The following MAP2K5 variants were observed in gnomAD, a reference collection of about 807,000 sequenced individuals.
MAP2K5 encodes the protein dual specificity mitogen-activated protein kinase kinase 5.
A neutral mutation model predicts 83.1 loss-of-function variants in MAP2K5; 49 were observed. That is an observed-to-expected ratio of 0.59 (90% CI 0.47 to 0.75). The LOEUF (loss-of-function observed/expected upper bound fraction) is 0.75. MAP2K5 is among the 30% of genes least tolerant of loss of function. The pLI, the probability that MAP2K5 is intolerant of heterozygous loss-of-function variation, is 0.00. For synonymous variants in MAP2K5, 202 were observed against 191.8 expected, an observed-to-expected ratio of 1.05 and a Z score of -0.44; for missense variants, 457 against 557.5, an observed-to-expected ratio of 0.82 and a Z score of 1.82.
At chr15:67,586,560 T>A in intron 5 of MAP2K5, among the ~76,000 whole-genome samples, 1 of 152,200 alleles carries the variant, frequency 6.6e-6, no homozygotes, top group East Asian at 1.9e-4. Flanking sequence ...AACATACTGT[T>A]TTTATATGTA....
At chr15:67,611,559 C>T (rs1017492788) in intron 8 of MAP2K5, among the ~76,000 whole-genome samples, 4 of 152,036 alleles carry the variant, frequency 2.6e-5, no homozygotes, top group East Asian at 1.9e-4. Context: ...CTACAGTGGG[C>T]GCCAATCACA....
At chr15:67,641,379 A>T in intron 9 of MAP2K5, 1 of 473,016 alleles carries the variant, frequency 2.1e-6, no homozygotes. Flanking sequence ...GCCATAGATT[A>T]AATAAGTGAA....
intron 15 of MAP2K5, among the ~76,000 whole-genome samples, chr15:67,694,814 G>A (rs1355321459): frequency 3.3e-5 from 5 of 152,000 alleles, no homozygotes; most frequent in Admixed American, 2.6e-4. Flanking sequence ...GCACACGTAT[G>A]TTTATTGTGG....
rs145417766 is a variant in MAP2K5, at chr15:67,667,610, C to T, written c.847+2965C>T. Reference sequence around the variant, plus strand: ...GTCTTGGTCTAAGTACCTGTGTTGTCCTCTGATCATCATTTTCTAATGCCG... The same window carrying T: ...GTCTTGGTCTAAGTACCTGTGTTGTTCTCTGATCATCATTTTCTAATGCCG... On this transcript the variant is annotated intron_variant, in intron 13 of 21. Coordinates refer to ENST00000178640, the MANE Select transcript of MAP2K5 (RefSeq NM_145160.3). 9.8e-4 allele frequency among the ~76,000 whole-genome samples: 149 copies of T among 151,944 alleles called. 2 individuals carry two copies. Among genetic ancestry groups the T allele is most frequent in the African/African-American group, 2.6e-3 (107 of 41,438 alleles).
At chr15:67,730,837 C>T (rs979090209) in intron 17 of MAP2K5, among the ~76,000 whole-genome samples, 1 of 152,124 alleles carries the variant, frequency 6.6e-6, no homozygotes, top group Non-Finnish European at 1.5e-5. Context: ...TTGGAAGGAG[C>T]CCTGGACCAT....
chr15:67,647,608 G>A (rs1173083378), intron 11 of MAP2K5, among the ~76,000 whole-genome samples: 1 of 151,662 alleles, frequency 6.6e-6, no homozygotes. Flanking sequence ...AAATATGGCC[G>A]GGCACGGTGG....
intron 1 of MAP2K5, chr15:67,549,230 AT>A: frequency 6.6e-7 from 1 of 1,515,696 alleles, no homozygotes; most frequent in Non-Finnish European, 8.9e-7. Context: ...TGCTTATTCA[AT>A]TAAGCTGTCT....
rs1351472879 is a variant in MAP2K5, at chr15:67,747,338, A to G, written c.1075-893A>G. Among the ~76,000 whole-genome samples the G allele has an allele frequency of 6.6e-6, 1 of 152,210 alleles. No homozygotes were observed. The highest frequency in any genetic ancestry group is 1.9e-4 in the East Asian group (1 of 5,204). ...TATCTCAGAAAACAGTTGACCCATC[A>G]GTATTTGGTTCCTGAAAAGTTCTCT... On this transcript the variant is annotated intron_variant, in intron 17 of 21. Coordinates refer to ENST00000178640, the MANE Select transcript of MAP2K5 (RefSeq NM_145160.3). The surrounding 1 kb of genome is among the most constrained non-coding windows in gnomAD (Gnocchi z 4.1).
chr15:67,742,795 G>A (rs924319842), intron 17 of MAP2K5, among the ~76,000 whole-genome samples: 1 of 152,214 alleles, frequency 6.6e-6, no homozygotes, highest in African/African-American at 2.4e-5. Context: ...ATTACCAACA[G>A]GAAGATTTAC....
intron 13 of MAP2K5, among the ~76,000 whole-genome samples, chr15:67,669,714 G>A (rs769998859): frequency 3.3e-5 from 5 of 152,070 alleles, no homozygotes; most frequent in African/African-American, 9.7e-5. Context: ...AGAGAAAGGC[G>A]TCAAGGTTGC....
rs755074369 is a variant in MAP2K5 at position 67,749,092 on chromosome 15, G to A, written c.1134+491G>A. 1.4e-4 allele frequency among the ~76,000 whole-genome samples: 22 copies of A among 152,148 alleles called. No homozygotes were observed. Among genetic ancestry groups the A allele is most frequent in the Non-Finnish European group, 2.5e-4 (17 of 68,020 alleles). On this transcript the variant is annotated intron_variant, in intron 19 of 21. Coordinates refer to ENST00000178640, the MANE Select transcript of MAP2K5 (RefSeq NM_145160.3). This position sits in a 1 kb window ranked among gnomAD's most constrained non-coding sequence, Gnocchi z 4.6. ...AGTTCAGCGTTAATTTCCTAATTAG[G>A]CATTTTTCTCAGAATATGTCCCTAA...
intron 13 of MAP2K5, among the ~76,000 whole-genome samples, chr15:67,682,287 G>A (rs184845969): frequency 6.6e-6 from 1 of 151,588 alleles, no homozygotes; most frequent in East Asian, 2.0e-4. Flanking sequence ...TGTGATCTCA[G>A]CTCACTGCAA....
rs1664680054 is a variant in MAP2K5, at chr15:67,760,346, T to C, written c.1135-9256T>C. ...AGAAACAAGTTATAAGAAAATTTTT[T>C]CCTCATAGTCTGAAGGATGTACAAA... is the stretch of plus-strand genomic sequence containing the variant. On this transcript the variant is annotated intron_variant, in intron 19 of 21. Coordinates refer to ENST00000178640, the MANE Select transcript of MAP2K5 (RefSeq NM_145160.3). The surrounding 1 kb of genome is among the most constrained non-coding windows in gnomAD (Gnocchi z 4.1). 6.6e-6 allele frequency among the ~76,000 whole-genome samples: 1 copy of C among 152,222 alleles called. No individual in the cohort carries two copies. Among genetic ancestry groups the C allele is most frequent in the Non-Finnish European group, 1.5e-5 (1 of 68,042 alleles).
chr15:67,556,033 G>A (rs1461061337), intron 2 of MAP2K5, among the ~76,000 whole-genome samples: 1 of 152,160 alleles, frequency 6.6e-6, no homozygotes, highest in African/African-American at 2.4e-5. Flanking sequence ...TGATCTGCCT[G>A]TCTCAGCCTC....
At chr15:67,546,171 T>C (rs1356489985) in intron 1 of MAP2K5, 1 of 152,260 alleles carries the variant, frequency 6.6e-6, no homozygotes, top group Admixed American at 6.5e-5. Flanking sequence ...CTGTGATCTG[T>C]TCTCCAGGTT....
intron 11 of MAP2K5, among the ~76,000 whole-genome samples, chr15:67,648,049 A>G (rs1686379048): frequency 6.6e-6 from 1 of 152,188 alleles, no homozygotes; most frequent in South Asian, 2.1e-4. Flanking sequence ...CAAAAAACAA[A>G]TAAATTAAAA....
intron 11 of MAP2K5, among the ~76,000 whole-genome samples, chr15:67,653,626 G>C (rs561828932): frequency 4.6e-5 from 7 of 151,914 alleles, no homozygotes; most frequent in Non-Finnish European, 7.4e-5. Flanking sequence ...AAATGAAACC[G>C]ACTTTTGGTT....
chr15:67,697,535 A>G (rs901611548), intron 15 of MAP2K5, among the ~76,000 whole-genome samples: 1 of 152,158 alleles, frequency 6.6e-6, no homozygotes, highest in East Asian at 1.9e-4. Flanking sequence ...CCCAATCTAG[A>G]TTATGACTTT....
At chr15:67,568,022 G>A (rs1843702689) in intron 3 of MAP2K5, among the ~76,000 whole-genome samples, 1 of 152,180 alleles carries the variant, frequency 6.6e-6, no homozygotes, top group Non-Finnish European at 1.5e-5. Context: ...GCTAAATCCT[G>A]TGTCTAGGGA....
Sources: gnomAD v4.1 joint callset for allele counts (sites outside exome capture counted in the v4.1 genomes callset) on GRCh38, gnomAD v4.1.1 for gene constraint, Gnocchi (gnomAD v3.1) non-coding constraint, MANE v1.5 for transcripts, NCBI Gene and HGNC (gene_info 2026-07-23, HGNC 2026-07-21) for gene names.